Variants in FHOD3 observed in about 807,000 individuals in gnomAD.
FHOD3 encodes the protein FH1/FH2 domain-containing protein 3.
Under a neutral mutation model 173.0 loss-of-function variants are expected in FHOD3, and 90 were observed. The ratio of observed to expected loss-of-function variants is 0.52; its 90% CI spans 0.44 to 0.62. The LOEUF (loss-of-function observed/expected upper bound fraction) is 0.62. Ranked by LOEUF, FHOD3 falls within the 20% of genes least tolerant of loss-of-function variation. The probability of loss-of-function intolerance (pLI) is 0.00; values close to 1 mark genes in which losing one functional copy is unlikely to be tolerated. For synonymous variants in FHOD3, 828 were observed against 823.0 expected (o/e 1.01, Z -0.10); for missense variants, 1,945 against 2,034.7 (o/e 0.96, Z 0.85).
At chr18:36,439,565 G>GTGTGTA (rs1555705341) in intron 3 of FHOD3, among the ~76,000 whole-genome samples, 12 of 112,084 alleles carry the variant, frequency 1.1e-4, no homozygotes, top group African/African-American at 3.9e-4. Flanking sequence ...GTGTGTGTGT[G>GTGTGTA]TGTATGTATG....
intron 8 of FHOD3, 71 bp downstream of exon 8, chr18:36,602,839 C>A: frequency 1.7e-6 from 2 of 1,177,468 alleles, no homozygotes; most frequent in South Asian, 1.2e-5. Context: ...CCCCTGGTAT[C>A]TGTGCTTGTG....
At chr18:36,546,245 T>C (rs1424698232) in intron 5 of FHOD3, among the ~76,000 whole-genome samples, 1 of 152,244 alleles carries the variant, frequency 6.6e-6, no homozygotes, top group Non-Finnish European at 1.5e-5. Context: ...AGGGACTGTT[T>C]ACCACCCCTG....
chr18:36,378,855 T>A (rs2047590557), intron 3 of FHOD3, among the ~76,000 whole-genome samples: 1 of 152,088 alleles, frequency 6.6e-6, no homozygotes, highest in South Asian at 2.1e-4. Context: ...GCTATTTTTT[T>A]TGTATTTTTA....
At chr18:36,596,874 G>A (rs990231448) in intron 7 of FHOD3, among the ~76,000 whole-genome samples, 8 of 152,162 alleles carry the variant, frequency 5.3e-5, no homozygotes, top group Admixed American at 5.2e-4. Flanking sequence ...TCCTTGATAA[G>A]GAATGCCAAT....
intron 3 of FHOD3, among the ~76,000 whole-genome samples, chr18:36,391,390 C>T (rs2146477355): frequency 6.6e-6 from 1 of 152,242 alleles, no homozygotes; most frequent in African/African-American, 2.4e-5. Context: ...GCCTGGAGTC[C>T]AGACAGGGAT....
At chr18:36,469,212 C>T (rs2053133926) in intron 3 of FHOD3, among the ~76,000 whole-genome samples, 1 of 152,122 alleles carries the variant, frequency 6.6e-6, no homozygotes, top group Non-Finnish European at 1.5e-5. Flanking sequence ...GAGCTATACA[C>T]AATAAGCAAA....
At chr18:36,402,282 G>A (rs1018400784) in intron 3 of FHOD3, among the ~76,000 whole-genome samples, 2 of 152,048 alleles carry the variant, frequency 1.3e-5, no homozygotes, top group Non-Finnish European at 2.9e-5. Context: ...CTTCTTGAGC[G>A]TAGCTGGCTC....
At chr18:36,762,421 C>A (rs1174814382) in intron 27 of FHOD3, among the ~76,000 whole-genome samples, 2 of 152,198 alleles carry the variant, frequency 1.3e-5, no homozygotes, top group African/African-American at 2.4e-5. Flanking sequence ...GACTGGTTTT[C>A]TCACTTCATG....
At chr18:36,632,179 C>A (rs74506220) in intron 10 of FHOD3, among the ~76,000 whole-genome samples, 3,903 of 152,262 alleles carry the variant, frequency 0.026, 176 homozygotes, top group African/African-American at 0.09. Context: ...TGGTTTTACT[C>A]TCCGTCAGCA....
intron 18 of FHOD3, 73 bp from the exon 19 acceptor site, chr18:36,717,759 A>T: frequency 6.6e-7 from 1 of 1,507,392 alleles, no homozygotes; most frequent in East Asian, 2.3e-5. Context: ...AGGCTCACTT[A>T]TTCTCATCGA....
chr18:36,599,394 T>C (rs1322284529), intron 7 of FHOD3, among the ~76,000 whole-genome samples: 2 of 152,254 alleles, frequency 1.3e-5, no homozygotes, highest in African/African-American at 2.4e-5. Flanking sequence ...AGCCATCCTT[T>C]CAAGCGATCC....
chr18:36,406,754 C>A (rs2049094325), intron 3 of FHOD3, among the ~76,000 whole-genome samples: 1 of 152,142 alleles, frequency 6.6e-6, no homozygotes, highest in South Asian at 2.1e-4. Flanking sequence ...AGTCTATAAA[C>A]CACTTTCATG....
rs557897915 is a variant in FHOD3, at chr18:36,445,167, C to T, written c.338-56765C>T. Among the ~76,000 whole-genome samples, 174 of 152,276 alleles carry T rather than the reference C, an allele frequency of 1.1e-3. 1 individual carries two copies. The Middle Eastern group carries it at 0.02, about 18-fold the overall frequency. On this transcript the variant is annotated intron_variant, in intron 3 of 28. Coordinates refer to ENST00000590592, the MANE Select transcript of FHOD3 (RefSeq NM_001281740.3). ...TGGGGGACTTCACTTACTGCTTTTT[C>T]CTCCTGCTGTCTTCTAAAGGCATCA...
chr18:36,417,545 T>C (rs1218694291), intron 3 of FHOD3, among the ~76,000 whole-genome samples: 1 of 152,228 alleles, frequency 6.6e-6, no homozygotes, highest in Non-Finnish European at 1.5e-5. Context: ...TGTGTCTTTA[T>C]AATAGAATGA....
At position 36,425,276 on chromosome 18, in the gene FHOD3, T is replaced by C. The variant is rs1269365786; in HGVS notation, c.337+52532T>C. Among the ~76,000 whole-genome samples the C allele has an allele frequency of 2.6e-5, 4 of 152,218 alleles. No homozygotes were observed. The South Asian group carries it at 8.3e-4, about 31-fold the overall frequency. ...TAAGTATGCATGTATACAAAAAATA[T>C]AGTATACATAGTATCCAAGGATTCA... On this transcript the variant is annotated intron_variant, in intron 3 of 28. Transcript: ENST00000590592.
chr18:36,600,773 A>C (rs2031262311), intron 7 of FHOD3, among the ~76,000 whole-genome samples: 1 of 152,252 alleles, frequency 6.6e-6, no homozygotes, highest in Non-Finnish European at 1.5e-5. Context: ...TTGCTCCCTG[A>C]GGACCTGTTT....
intron 10 of FHOD3, among the ~76,000 whole-genome samples, chr18:36,641,149 T>C: frequency 6.6e-6 from 1 of 151,940 alleles, no homozygotes; most frequent in Non-Finnish European, 1.5e-5. Flanking sequence ...CAAATACTTA[T>C]TGGATGTCCC....
intron 17 of FHOD3, 118 bp downstream of exon 17, chr18:36,693,541 T>A: frequency 1.1e-6 from 1 of 936,194 alleles, no homozygotes; most frequent in Non-Finnish European, 1.6e-6. Flanking sequence ...ATGGGTACAC[T>A]TTGTTGGGGG....
chr18:36,358,124 T>C (rs553331834), intron 2 of FHOD3, among the ~76,000 whole-genome samples: 1 of 152,322 alleles, frequency 6.6e-6, no homozygotes, highest in South Asian at 2.1e-4. Flanking sequence ...AAATTACATG[T>C]CTGGGGTGGC....
Sources: gnomAD v4.1 joint callset for allele counts (sites outside exome capture counted in the v4.1 genomes callset) on GRCh38, gnomAD v4.1.1 for gene constraint, MANE v1.5 for transcripts, NCBI Gene and HGNC (gene_info 2026-07-23, HGNC 2026-07-21) for gene names.